Variants in THSD7A observed in about 807,000 individuals in gnomAD.
The protein encoded by THSD7A is thrombospondin type-1 domain-containing protein 7A.
A neutral mutation model predicts 231.3 loss-of-function variants in THSD7A; 96 were observed. The observed-to-expected ratio is 0.41, with a 90% CI of 0.35 to 0.49. The LOEUF (loss-of-function observed/expected upper bound fraction) is 0.49. Among genes scored for constraint, THSD7A ranks in the 20% least tolerant of loss-of-function variants. THSD7A has a pLI of 0.05. For missense variants in THSD7A, 2,290 were observed against 2,070.2 expected (o/e 1.11, Z -2.06); for synonymous variants, 940 against 743.3 (o/e 1.26, Z -4.30).
At chr7:11,641,800 A>C (rs1378650689) in intron 1 of THSD7A, among the ~76,000 whole-genome samples, 1 of 151,792 alleles carries the variant, frequency 6.6e-6, no homozygotes, top group Non-Finnish European at 1.5e-5. Context: ...CCCATCGTCC[A>C]CCTTGTAGGC....
chr7:11,566,580 G>T (rs1167363534), intron 4 of THSD7A, among the ~76,000 whole-genome samples: 1 of 152,150 alleles, frequency 6.6e-6, no homozygotes, highest in Non-Finnish European at 1.5e-5. Flanking sequence ...GTACATTCCA[G>T]AACAGAGCTG....
At chr7:11,412,168 A>G (rs1783808715) in intron 18 of THSD7A, among the ~76,000 whole-genome samples, 1 of 152,166 alleles carries the variant, frequency 6.6e-6, no homozygotes, top group Non-Finnish European at 1.5e-5. Flanking sequence ...TTTTCTGAAA[A>G]TACTCATCAA....
intron 4 of THSD7A, among the ~76,000 whole-genome samples, chr7:11,557,042 A>AT (rs145903195): frequency 0.02 from 3,015 of 151,844 alleles, 117 homozygotes; most frequent in African/African-American, 0.069. Flanking sequence ...CTCTGAATAC[A>AT]TTTTTTTTCT....
intron 4 of THSD7A, among the ~76,000 whole-genome samples, chr7:11,544,202 C>A (rs576101757): frequency 4.6e-5 from 7 of 152,018 alleles, no homozygotes; most frequent in Non-Finnish European, 8.8e-5. Flanking sequence ...ATTAGCTGGG[C>A]GTGGTGGTGC....
At chr7:11,669,084 A>G (rs576982891) in intron 1 of THSD7A, among the ~76,000 whole-genome samples, 4 of 152,242 alleles carry the variant, frequency 2.6e-5, no homozygotes, top group African/African-American at 4.8e-5. Flanking sequence ...TAACCCACAT[A>G]CCATTATATA....
At chr7:11,515,096 T>C (rs1297520274) in intron 6 of THSD7A, among the ~76,000 whole-genome samples, 2 of 152,198 alleles carry the variant, frequency 1.3e-5, no homozygotes, top group Admixed American at 1.3e-4. Context: ...ATGTAACTAA[T>C]GGGAAATCAC....
intron 1 of THSD7A, among the ~76,000 whole-genome samples, chr7:11,653,724 C>T (rs778229433): frequency 1.3e-5 from 2 of 151,820 alleles, no homozygotes; most frequent in Non-Finnish European, 1.5e-5. Flanking sequence ...GAAAAGTAAC[C>T]TCTTCAACAA....
rs1451512382 is a variant in THSD7A, at chr7:11,530,660, G to A, written c.1822+10759C>T. 2.6e-5 allele frequency among the ~76,000 whole-genome samples: 4 copies of A among 152,256 alleles called. No individual in the cohort carries two copies. The East Asian group carries it at 5.8e-4, about 22-fold the overall frequency. ...TGGTAAAACGGACAAGACAGATGGT[G>A]GAGGACATTCTGCAATTCCCAAATG... On this transcript the variant is annotated intron_variant, in intron 6 of 27. Transcript: ENST00000423059.
At chr7:11,617,989 T>TA (rs1044922367) in intron 2 of THSD7A, among the ~76,000 whole-genome samples, 55 of 151,896 alleles carry the variant, frequency 3.6e-4, no homozygotes, top group African/African-American at 1.3e-3. Context: ...AGTATAACAA[T>TA]AAAAAAAAGA....
At chr7:11,392,198 C>T (rs1468464692) in intron 23 of THSD7A, among the ~76,000 whole-genome samples, 1 of 151,994 alleles carries the variant, frequency 6.6e-6, no homozygotes, top group Non-Finnish European at 1.5e-5. Flanking sequence ...AGGTACCTGG[C>T]TCATCTCATT....
chr7:11,661,850 A>T (rs1267621672), intron 1 of THSD7A, among the ~76,000 whole-genome samples: 1 of 151,340 alleles, frequency 6.6e-6, no homozygotes, highest in African/African-American at 2.4e-5. Flanking sequence ...AACACACAAC[A>T]CTACGAGTGT....
intron 19 of THSD7A, among the ~76,000 whole-genome samples, chr7:11,409,881 T>C (rs1783721989): frequency 6.6e-6 from 1 of 152,106 alleles, no homozygotes. Flanking sequence ...TAGCTGGGAT[T>C]ACAGGCATGT....
chr7:11,747,739 A>G (rs1583253134), intron 1 of THSD7A, among the ~76,000 whole-genome samples: 1 of 151,932 alleles, frequency 6.6e-6, no homozygotes, highest in African/African-American at 2.4e-5. Context: ...GTGTGGCTCA[A>G]AACCTGGAGA....
chr7:11,782,119 A>AT (rs1045613117), intron 1 of THSD7A, among the ~76,000 whole-genome samples: 1 of 152,134 alleles, frequency 6.6e-6, no homozygotes, highest in African/African-American at 2.4e-5. Flanking sequence ...TTGTAATGTA[A>AT]TTTTTTTAAA....
chr7:11,385,236 A>G (rs1782682959), intron 23 of THSD7A: 1 of 151,954 alleles, frequency 6.6e-6, no homozygotes, highest in Non-Finnish European at 1.5e-5. Flanking sequence ...TGTGAAATTC[A>G]TATACTATGA....
Position 11,474,492 on chromosome 7 carries a change from G to T in THSD7A, c.2094C>A (p.His698Gln), listed in dbSNP as rs767039588. 6.2e-7 allele frequency: 1 copy of T among 1,613,478 alleles called. No individual in the cohort carries two copies. The highest frequency in any genetic ancestry group is 1.3e-5 in the African/African-American group (1 of 74,902). The part of the protein sequence containing the change: ...SCNEHPCTVY[H>Q]WQTGPWGQCI... ...ACTGGCCCCAGGGACCAGTTTGCCA[G>T]TGGTACACTGTGCAAGGATGCTCAT... The change falls in exon 8 of 28, where the codon CAC becomes CAA. Residue 698 changes from histidine (H) to glutamine (Q), a missense_variant. Transcript: ENST00000423059. This position sits in a 1 kb window ranked among gnomAD's most constrained non-coding sequence, Gnocchi z 4.1.
intron 23 of THSD7A, among the ~76,000 whole-genome samples, chr7:11,382,848 TTTTAA>T (rs1251685993): frequency 2.0e-5 from 3 of 151,402 alleles, no homozygotes; most frequent in Non-Finnish European, 2.9e-5. Context: ...GAACCTAGGT[TTTTAA>T]TTTAATTTTT....
intron 6 of THSD7A, among the ~76,000 whole-genome samples, chr7:11,483,684 C>T (rs942331090): frequency 6.6e-6 from 1 of 152,020 alleles, no homozygotes; most frequent in Non-Finnish European, 1.5e-5. Context: ...AAGGGGTGCT[C>T]TCTTATATCT....
At chr7:11,576,177 T>C (rs994004029) in intron 4 of THSD7A, among the ~76,000 whole-genome samples, 2 of 152,182 alleles carry the variant, frequency 1.3e-5, no homozygotes, top group African/African-American at 2.4e-5. Context: ...CTCTTTCTAC[T>C]AGCATTTTTC....
Sources: gnomAD v4.1 joint callset for allele counts (sites outside exome capture counted in the v4.1 genomes callset) on GRCh38, gnomAD v4.1.1 for gene constraint, Gnocchi (gnomAD v3.1) non-coding constraint, MANE v1.5 for transcripts, NCBI Gene and HGNC (gene_info 2026-07-23, HGNC 2026-07-21) for gene names.